NCAPG: variants seen among roughly 807,000 people sequenced by gnomAD.
The protein encoded by NCAPG is non-SMC condensin I complex subunit G, also known as condensin complex subunit 3.
NCAPG carries 69 observed loss-of-function variants against 113.1 expected under a neutral mutation model. The observed-to-expected ratio is 0.61, with a 90% confidence interval of 0.50 to 0.75. The LOEUF is 0.75. NCAPG is among the 30% of genes least tolerant of loss of function. The pLI is 0.00. For missense variants in NCAPG, 1,058 were observed against 1,177.0 expected, an observed-to-expected ratio of 0.90 and a Z score of 1.48; for synonymous variants, 370 against 415.8, an observed-to-expected ratio of 0.89 and a Z score of 1.34.
At chr4:17,817,877 C>T in intron 6 of NCAPG, 62 bp from the exon 7 acceptor site, 1 of 1,465,554 alleles carries the variant, frequency 6.8e-7, no homozygotes, top group South Asian at 1.4e-5. Context: ...CATTTTTGTA[C>T]TCTTCAATTC....
intron 9 of NCAPG, among the ~76,000 whole-genome samples, chr4:17,824,710 A>T (rs865984995): frequency 2.0e-5 from 3 of 152,252 alleles, no homozygotes; most frequent in Middle Eastern, 3.4e-3. Flanking sequence ...CAAACATTAT[A>T]TGAGGGATAA....
intron 14 of NCAPG, among the ~76,000 whole-genome samples, chr4:17,834,870 C>T (rs1026259794): frequency 6.6e-5 from 10 of 151,978 alleles, no homozygotes; most frequent in Non-Finnish European, 1.3e-4. Context: ...TAATTAAATC[C>T]TAACTTTCAC....
At chr4:17,825,237 C>G (rs2286538) in intron 10 of NCAPG, 145 bp from the exon 11 acceptor site, 100,003 of 804,826 alleles carry the variant, frequency 0.12, 7,078 homozygotes, top group South Asian at 0.23. Context: ...ATGCAGATCT[C>G]TGTGTCAGGA....
intron 3 of NCAPG, 148 bp from the exon 4 acceptor site, chr4:17,814,705 C>T (rs1204186232): frequency 1.1e-6 from 1 of 873,234 alleles, no homozygotes; most frequent in Non-Finnish European, 1.7e-6. Context: ...CTTGGCCTCC[C>T]AAAGTGCTGG....
At position 17,840,058 on chromosome 4, in the gene NCAPG, T is replaced by C. The variant is rs1400940988; in HGVS notation, c.2629-13T>C. The C allele has an allele frequency of 6.3e-7, 1 of 1,590,930 alleles. No individual in the cohort carries two copies. Among genetic ancestry groups the C allele is most frequent in the South Asian group, 1.2e-5 (1 of 86,534 alleles). ...CGGTGTTTACAAAATGTTAATAATG[T>C]TTTCTTTTATAGCAAGTAAAAGATA... is the stretch of plus-strand genomic sequence containing the variant. On this transcript the variant is annotated splice_polypyrimidine_tract_variant and intron_variant, in intron 17 of 20. Transcript: ENST00000251496.
chr4:17,828,466 A>G, intron 12 of NCAPG, 78 bp downstream of exon 12: 1 of 728,788 alleles, frequency 1.4e-6, no homozygotes. Context: ...TTAGAAATCA[A>G]AATAATGAAA....
Position 17,811,773 on chromosome 4 carries a change from G to C in NCAPG, c.112-448G>C, listed in dbSNP as rs555289855. 6.6e-6 allele frequency among the ~76,000 whole-genome samples: 1 copy of C among 152,312 alleles called. No homozygotes were observed. The highest frequency in any genetic ancestry group is 2.4e-5 in the African/African-American group (1 of 41,568). ...TAATTTGGGGAAGATGAATTATCTT[G>C]AGGTCCAAGAAAAATTGTGAGTAAA... On this transcript the variant is annotated intron_variant, in intron 1 of 20. Transcript: ENST00000251496. This position sits in a 1 kb window ranked among gnomAD's most constrained non-coding sequence, Gnocchi z 5.3.
At position 17,811,696 on chromosome 4, in the gene NCAPG, T is replaced by C. The variant is rs965518230; in HGVS notation, c.111+508T>C. Reference sequence around the variant, plus strand: ...TTTAGGGCCTGGCCATTCTTATTTATGTACATACTATTTGTTTGTTTTGAG... The same window carrying C: ...TTTAGGGCCTGGCCATTCTTATTTACGTACATACTATTTGTTTGTTTTGAG... On this transcript the variant is annotated intron_variant, in intron 1 of 20. Coordinates refer to ENST00000251496, the MANE Select transcript of NCAPG (RefSeq NM_022346.5). This position sits in a 1 kb window ranked among gnomAD's most constrained non-coding sequence, Gnocchi z 5.3. Among the ~76,000 whole-genome samples the C allele has an allele frequency of 6.6e-6, 1 of 152,232 alleles. No individual in the cohort carries two copies. Among genetic ancestry groups the C allele is most frequent in the African/African-American group, 2.4e-5 (1 of 41,470 alleles).
intron 19 of NCAPG, 117 bp downstream of exon 19, chr4:17,840,810 A>T (rs753380300): frequency 4.1e-4 from 220 of 530,786 alleles, no homozygotes; most frequent in Non-Finnish European, 5.8e-4. Flanking sequence ...GATTTTTTTT[A>T]AAATGTCTTT....
chr4:17,812,497 G>C, intron 2 of NCAPG, 73 bp downstream of exon 2: 1 of 1,099,700 alleles, frequency 9.1e-7, no homozygotes, highest in Non-Finnish European at 1.3e-6. Context: ...GTGGGAGTTT[G>C]TATGTTTTTG....
intron 13 of NCAPG, among the ~76,000 whole-genome samples, chr4:17,833,195 C>T (rs1721932219): frequency 1.3e-5 from 2 of 151,900 alleles, no homozygotes; most frequent in African/African-American, 4.8e-5. Flanking sequence ...TGTGGTGAAA[C>T]CCCCATCTCT....
rs772812278 is a variant in NCAPG, at chr4:17,811,115, C to A, written c.38C>A (p.Ala13Asp). 1 of 1,533,200 alleles carries A rather than the reference C, an allele frequency of 6.5e-7. No homozygotes were observed. The highest frequency in any genetic ancestry group is 8.8e-7 in the Non-Finnish European group (1 of 1,140,500). 95.0% of individuals were successfully genotyped at this position (1,533,200 alleles called of 1,614,324 possible). A position where few individuals can be genotyped will look rare whatever the true frequency, so the allele number is the denominator to read the frequency against. The change falls in exon 1 of 21, where the codon GCC becomes GAC. Residue 13 changes from alanine to aspartate, a missense_variant. By Grantham distance (126) the Ala-to-Asp change is moderately radical. Transcript: ENST00000251496. This position sits in a 1 kb window ranked among gnomAD's most constrained non-coding sequence, Gnocchi z 5.3. ...AERRLLSIKE[A>D]FRLAQQPHQN... The stretch of plus-strand genomic sequence containing the variant: ...AGGAGGCTGCTGTCGATTAAGGAGG[C>A]CTTTCGGCTGGCGCAGCAGCCGCAC...
intron 9 of NCAPG, among the ~76,000 whole-genome samples, chr4:17,824,120 A>T (rs1348402078): frequency 6.6e-6 from 1 of 152,088 alleles, no homozygotes; most frequent in East Asian, 1.9e-4. Context: ...CTCATCTGAC[A>T]CTTTCTGGCT....
chr4:17,824,916 C>A, intron 9 of NCAPG, 52 bp from the exon 10 acceptor site: 1 of 1,293,594 alleles, frequency 7.7e-7, no homozygotes, highest in Non-Finnish European at 1.1e-6. Context: ...AATTTTGATA[C>A]TATTTGCTGA....
chr4:17,815,042 A>G (rs776360576), intron 4 of NCAPG, 44 bp downstream of exon 4: 3 of 1,600,436 alleles, frequency 1.9e-6, no homozygotes, highest in Non-Finnish European at 1.7e-6. Flanking sequence ...CTTAAAGGAC[A>G]AGGAGCCATT....
Position 17,837,732 on chromosome 4 carries a change from T to C in NCAPG, c.2397T>C (p.Ala799=). 6.2e-7 allele frequency: 1 copy of C among 1,614,014 alleles called. No individual in the cohort carries two copies. The highest frequency in any genetic ancestry group is 8.5e-7 in the Non-Finnish European group (1 of 1,179,900). ...CTGAAATTGATATCACAAATGTTGC[T>C]GAGTTACTTGTAGATTTGACAAGAC... ...PLAEIDITNV[A]ELLVDLTRPS... Residue 799 remains alanine, a synonymous_variant, in exon 16 of 21, where the codon GCT becomes GCC. Transcript: ENST00000251496.
Position 17,831,951 on chromosome 4 carries a change from A to G in NCAPG, c.1884+835A>G, listed in dbSNP as rs2109059222. Reference sequence around the variant, plus strand: ...TGGCAAACCTTTTGTGTACAGGGCCAGAGAGTAAATATTTTTAGATTTTTG... The same window carrying G: ...TGGCAAACCTTTTGTGTACAGGGCCGGAGAGTAAATATTTTTAGATTTTTG... On this transcript the variant is annotated intron_variant, in intron 13 of 20. Coordinates refer to ENST00000251496, the MANE Select transcript of NCAPG (RefSeq NM_022346.5). Among the ~76,000 whole-genome samples, 3 of 152,296 alleles carry G rather than the reference A, an allele frequency of 2.0e-5. No homozygotes were observed. In the South Asian group the frequency reaches 6.2e-4, roughly 32 times the overall value.
chr4:17,842,379 G>A lies in NCAPG; in HGVS notation c.2924G>A (p.Ser975Asn). ...RCQTAEADSESDHEVPEPESE... is the reference protein window; with the variant it reads ...RCQTAEADSENDHEVPEPESE... ...CAGACTGCTGAAGCCGACTCTGAAAGGTATGTCATGCATGTCTAGAATATA... is the reference window on the plus strand; with the variant it reads ...CAGACTGCTGAAGCCGACTCTGAAAAGTATGTCATGCATGTCTAGAATATA... Residue 975 changes from serine to asparagine, a missense_variant and splice_region_variant, in exon 20 of 21, where the codon AGT (serine) becomes AAT (asparagine). Ser to Asn is a conservative substitution (Grantham distance 46). Coordinates refer to ENST00000251496, the MANE Select transcript of NCAPG (RefSeq NM_022346.5). 6.2e-7 allele frequency: 1 copy of A among 1,611,112 alleles called. No homozygotes were observed. Among genetic ancestry groups the A allele is most frequent in the Non-Finnish European group, 8.5e-7 (1 of 1,177,708 alleles).
chr4:17,838,476 G>A (rs1218545552), intron 16 of NCAPG, among the ~76,000 whole-genome samples: 2 of 152,190 alleles, frequency 1.3e-5, no homozygotes, highest in African/African-American at 4.8e-5. Context: ...GAGCTATTAA[G>A]CACTTCATGA....
Sources: allele counts gnomAD v4.1 joint callset (sites outside exome capture counted in the v4.1 genomes callset), GRCh38; gene constraint gnomAD v4.1.1; non-coding constraint Gnocchi (gnomAD v3.1); transcripts MANE v1.5; gene names NCBI Gene and HGNC (gene_info 2026-07-23, HGNC 2026-07-21).